The following CENPC variants were observed in gnomAD, a reference collection of about 807,000 sequenced individuals.
The protein encoded by CENPC is CENP-C 1.
A neutral mutation model predicts 112.1 loss-of-function variants in CENPC; 63 were observed. The observed-to-expected ratio is 0.56, with a 90% CI of 0.46 to 0.69. The LOEUF (loss-of-function observed/expected upper bound fraction) is 0.69, where lower values mean the gene tolerates loss of function less well. CENPC is among the 30% of genes least tolerant of loss of function. The pLI is 0.00. For missense variants in CENPC, 1,000 were observed against 1,103.8 expected (o/e 0.91, Z 1.33); for synonymous variants, 333 against 367.6 (o/e 0.91, Z 1.08).
At chr4:67,472,748 TCACCTGA>T in intron 18 of CENPC, 73 bp from the exon 19 acceptor site, 1 of 1,346,596 alleles carries the variant, frequency 7.4e-7, no homozygotes, top group Non-Finnish European at 9.6e-7. Flanking sequence ...TATGTAGTCA[TCACCTGA>T]CAGTTGTAGT....
At chr4:67,527,329 G>A (rs2632456) in intron 5 of CENPC, among the ~76,000 whole-genome samples, 25,572 of 151,890 alleles carry the variant, frequency 0.17, 2,970 homozygotes, top group East Asian at 0.57. Flanking sequence ...AAAAATGCAT[G>A]ACAAAATCCA....
rs1217569455 is a variant in CENPC, at chr4:67,492,987, C to A, written c.2301G>T (p.Val767=). Residue 767 remains valine (V), a synonymous_variant, in exon 15 of 19, where the codon GTG becomes GTT. Transcript: ENST00000273853. The part of the protein sequence containing the change: ...DYQGRPSGGF[V]ISGVLSPDTI... ...TGTCTGGAGATAGTACTCCACTAAT[C>A]ACGAATCCTCCTGAAATTTAACAAA... The A allele has an allele frequency of 6.6e-7, 1 of 1,519,462 alleles. No homozygotes were observed. The highest frequency in any genetic ancestry group is 1.3e-5 in the South Asian group (1 of 76,992). 94.1% of individuals were successfully genotyped at this position (1,519,462 alleles called of 1,614,324 possible).
intron 5 of CENPC, among the ~76,000 whole-genome samples, chr4:67,524,286 T>C (rs988507867): frequency 1.3e-5 from 2 of 152,116 alleles, no homozygotes; most frequent in African/African-American, 2.4e-5. Context: ...ATGCCCTCTC[T>C]CACCACTCCT....
At chr4:67,477,060 C>T (rs1446430574) in intron 17 of CENPC, among the ~76,000 whole-genome samples, 1 of 152,168 alleles carries the variant, frequency 6.6e-6, no homozygotes, top group Non-Finnish European at 1.5e-5. Flanking sequence ...TCAATCCTAC[C>T]TGCACCTGAT....
At chr4:67,543,341 A>T (rs1256921741) in intron 2 of CENPC, among the ~76,000 whole-genome samples, 1 of 152,176 alleles carries the variant, frequency 6.6e-6, no homozygotes, top group Non-Finnish European at 1.5e-5. Context: ...ACTTTATCTT[A>T]GTCTTTAAAT....
intron 18 of CENPC, among the ~76,000 whole-genome samples, chr4:67,474,224 C>A (rs529008437): frequency 6.6e-6 from 1 of 152,160 alleles, no homozygotes; most frequent in South Asian, 2.1e-4. Context: ...GCCACCACGC[C>A]CAGCTAATTT....
intron 7 of CENPC, among the ~76,000 whole-genome samples, chr4:67,515,915 T>C (rs1726045644): frequency 6.6e-6 from 1 of 151,938 alleles, no homozygotes; most frequent in Admixed American, 6.5e-5. Flanking sequence ...ACTCTAGACC[T>C]TTCTCCATAG....
intron 10 of CENPC, among the ~76,000 whole-genome samples, 177 bp from the exon 11 acceptor site, chr4:67,507,111 C>T (rs893702712): frequency 1.3e-5 from 2 of 152,134 alleles, no homozygotes; most frequent in Non-Finnish European, 2.9e-5. Context: ...TTTCTAGGAC[C>T]TACCAAGAGT....
chr4:67,532,386 C>T (rs1726580934), intron 4 of CENPC, among the ~76,000 whole-genome samples: 2 of 152,190 alleles, frequency 1.3e-5, no homozygotes, highest in Admixed American at 1.3e-4. Context: ...ACCCAGCCAT[C>T]CCATTACTGG....
At chr4:67,513,933 T>C in intron 8 of CENPC, 141 bp downstream of exon 8, 2 of 651,298 alleles carry the variant, frequency 3.1e-6, no homozygotes, top group Non-Finnish European at 4.7e-6. Flanking sequence ...ATAAAAAGGT[T>C]CTAGAAAAGA....
intron 4 of CENPC, among the ~76,000 whole-genome samples, chr4:67,536,577 G>A (rs1411971451): frequency 6.6e-6 from 1 of 151,926 alleles, no homozygotes; most frequent in Non-Finnish European, 1.5e-5. Context: ...TAAGTCTTAA[G>A]TCTGATTTTA....
In CENPC at chr4:67,490,065, C is replaced by A. The variant is rs778773467; in HGVS notation, c.2572G>T (p.Val858Leu). The change falls in exon 17 of 19, where the codon GTA becomes TTA. Residue 858 changes from valine to leucine, a missense_variant. Physicochemically the swap from Val to Leu is conservative, Grantham distance 32. Transcript: ENST00000273853. ...QFFVKHGELK[V>L]YKTLDTPFFS... ...AAGGGTGTATCCAATGTCTTGTATA[C>A]CTTCAACTCACCATGCTTAACAAAA... The A allele has an allele frequency of 1.9e-6, 3 of 1,610,330 alleles. No individual in the cohort carries two copies. Among genetic ancestry groups the A allele is most frequent in the Non-Finnish European group, 1.7e-6 (2 of 1,178,216 alleles).
At chr4:67,486,981 T>TTTC (rs1207960674) in intron 17 of CENPC, among the ~76,000 whole-genome samples, 1 of 150,590 alleles carries the variant, frequency 6.6e-6, no homozygotes, top group Non-Finnish European at 1.5e-5. Context: ...TTTTTTTTTT[T>TTTC]TTTTCTTTTT....
rs1159669519 is a variant in CENPC, at chr4:67,512,398, T to C, written c.1612+4A>G. The C allele has an allele frequency of 1.3e-6, 2 of 1,571,864 alleles. No individual in the cohort carries two copies. The highest frequency in any genetic ancestry group is 1.7e-6 in the Non-Finnish European group (2 of 1,159,580). Reference sequence around the variant, plus strand: ...ACAAACACAATTTAAATAAAAATACTTACTCTCCTCTGATTTTACCACCCA... The same window carrying C: ...ACAAACACAATTTAAATAAAAATACCTACTCTCCTCTGATTTTACCACCCA... On this transcript the variant is annotated splice_donor_region_variant and intron_variant, in intron 9 of 18. Coordinates refer to ENST00000273853, the MANE Select transcript of CENPC (RefSeq NM_001812.4).
chr4:67,469,174 G>A lies in CENPC; in HGVS notation c.*3431C>T, dbSNP rs1724586380. Reference sequence around the variant, plus strand: ...GTGGTAAGTAAATGGACAACAAACTGTGGAATCCTATCCAACAATAAAAAT... The same window carrying A: ...GTGGTAAGTAAATGGACAACAAACTATGGAATCCTATCCAACAATAAAAAT... On this transcript the variant is annotated 3_prime_UTR_variant, in exon 19 of 19. Transcript: ENST00000273853. 6.6e-6 allele frequency: 1 copy of A among 152,108 alleles called. No homozygotes were observed. The highest frequency in any genetic ancestry group is 2.4e-5 in the African/African-American group (1 of 41,396). The allele number at this position is 152,108 out of a possible 1,614,324, so 9.4% of individuals were successfully genotyped here.
rs543622322 is a variant in CENPC, at chr4:67,530,994, G to A, written c.232-80C>T. ...TGAAATATATTTGTTTTTTAAATGGGGGGAAAAACAAGTATTCTAAAACAA... is the reference window on the plus strand; with the variant it reads ...TGAAATATATTTGTTTTTTAAATGGAGGGAAAAACAAGTATTCTAAAACAA... On this transcript the variant is annotated intron_variant, in intron 4 of 18. Transcript: ENST00000273853. The A allele has an allele frequency of 5.4e-5, 34 of 634,470 alleles. No homozygotes were observed. The African/African-American group carries it at 6.0e-4, about 11-fold the overall frequency. The allele number at this position is 634,470 out of a possible 1,614,324, so 39.3% of individuals were successfully genotyped here.
chr4:67,472,659 G>A lies in CENPC; in HGVS notation c.2778C>T (p.Ile926=), dbSNP rs1462828541. 8 of 1,511,036 alleles carry A rather than the reference G, an allele frequency of 5.3e-6. No homozygotes were observed. The Admixed American group carries it at 1.3e-4, about 24-fold the overall frequency. 93.6% of individuals were successfully genotyped at this position (1,511,036 alleles called of 1,614,324 possible). A position where few individuals can be genotyped will look rare whatever the true frequency, so the allele number is the denominator to read the frequency against. ...FYVPSGNYYN[I]KNLRNEESVL... ...CACTTTCCTCATTCCGGAGATTTTT[G>A]ATGTTATAATAGTTACCTAAAAGTA... Residue 926 remains isoleucine, a synonymous_variant, in exon 19 of 19, where the codon ATC becomes ATT. Transcript: ENST00000273853.
At chr4:67,545,040 C>T (rs1321860065) in intron 1 of CENPC, among the ~76,000 whole-genome samples, 1 of 152,006 alleles carries the variant, frequency 6.6e-6, no homozygotes, top group Non-Finnish European at 1.5e-5. Flanking sequence ...GAGCAAGACC[C>T]CGTCTCAAAA....
rs764074805 is a variant in CENPC, at chr4:67,518,254, C to G, written c.732G>C (p.Gln244His). The change falls in exon 7 of 19, where the codon CAG becomes CAC. Residue 244 changes from glutamine to histidine, a missense_variant. Coordinates refer to ENST00000273853, the MANE Select transcript of CENPC (RefSeq NM_001812.4). ...GQERKPSGSS[Q>H]NRIRDSEYEI... is the part of the protein sequence containing the mutation. ...CATATTCTGAATCTCGTATTCTATTCTGAGATGATCCTGATGGTTTTCTTT... is the reference window on the plus strand; with the variant it reads ...CATATTCTGAATCTCGTATTCTATTGTGAGATGATCCTGATGGTTTTCTTT... 2 of 1,561,042 alleles carry G rather than the reference C, an allele frequency of 1.3e-6. No homozygotes were observed. Among genetic ancestry groups the G allele is most frequent in the Non-Finnish European group, 1.7e-6 (2 of 1,152,904 alleles).
Sources: allele counts gnomAD v4.1 joint callset (sites outside exome capture counted in the v4.1 genomes callset), GRCh38; gene constraint gnomAD v4.1.1; transcripts MANE v1.5; gene names NCBI Gene and HGNC (gene_info 2026-07-23, HGNC 2026-07-21).